The following RTKN2 variants were observed in gnomAD, a reference collection of about 807,000 sequenced individuals.
RTKN2 encodes the protein rhotekin 2.
A neutral mutation model predicts 71.5 loss-of-function variants in RTKN2; 69 were observed. The observed-to-expected ratio is 0.96, with a 90% CI of 0.79 to 1.18. RTKN2 has a LOEUF of 1.18. Ranked by LOEUF, RTKN2 falls within the 50% of genes most tolerant of loss-of-function variation. RTKN2 has a pLI of 0.00. For synonymous variants in RTKN2, 236 were observed against 236.5 expected, an observed-to-expected ratio of 1.00 and a Z score of 0.02; for missense variants, 724 against 719.7, an observed-to-expected ratio of 1.01 and a Z score of -0.07.
chr10:62,261,267 GT>G (rs1842768813), intron 2 of RTKN2, among the ~76,000 whole-genome samples: 1 of 152,136 alleles, frequency 6.6e-6, no homozygotes, highest in East Asian at 1.9e-4. Flanking sequence ...TTAGGTTTTT[GT>G]ATATATAAAA....
intron 10 of RTKN2, among the ~76,000 whole-genome samples, chr10:62,202,583 T>A (rs1841465777): frequency 6.6e-6 from 1 of 152,200 alleles, no homozygotes; most frequent in African/African-American, 2.4e-5. Flanking sequence ...ATTTGTACTT[T>A]AAAAATTACA....
rs183735643 is a variant in RTKN2, at chr10:62,260,134, C to A, written c.257+2491G>T. 3.6e-3 allele frequency among the ~76,000 whole-genome samples: 550 copies of A among 152,268 alleles called. 1 individual carries two copies. The highest frequency in any genetic ancestry group is 0.013 in the African/African-American group (527 of 41,538). Reference sequence around the variant, plus strand: ...CAATATAAAACTGAGCATTTTTCCACCTTAAGGACTAACCAAACTAAGGTA... The same window carrying A: ...CAATATAAAACTGAGCATTTTTCCAACTTAAGGACTAACCAAACTAAGGTA... On this transcript the variant is annotated intron_variant, in intron 2 of 11. Coordinates refer to ENST00000373789, the MANE Select transcript of RTKN2 (RefSeq NM_145307.4).
chr10:62,216,583 T>C (rs1174959180), intron 9 of RTKN2, among the ~76,000 whole-genome samples: 2 of 152,070 alleles, frequency 1.3e-5, no homozygotes, highest in Non-Finnish European at 2.9e-5. Context: ...AACCAGTATA[T>C]ATATACTTGA....
chr10:62,268,681 G>C lies in RTKN2; in HGVS notation c.-71C>G. 1 of 1,475,574 alleles carries C rather than the reference G, an allele frequency of 6.8e-7. No individual in the cohort carries two copies. Among genetic ancestry groups the C allele is most frequent in the Non-Finnish European group, 9.2e-7 (1 of 1,086,620 alleles). The allele number at this position is 1,475,574 out of a possible 1,614,324, so 91.4% of individuals were successfully genotyped here. On this transcript the variant is annotated 5_prime_UTR_variant, in exon 1 of 12. Coordinates refer to ENST00000373789, the MANE Select transcript of RTKN2 (RefSeq NM_145307.4). ...GATTTGAAAAGCCCGCCCCTGGCAG[G>C]AGCCGCAGAGGACGCCAACCGCCCG...
intron 3 of RTKN2, among the ~76,000 whole-genome samples, chr10:62,244,074 C>A (rs1248828875): frequency 6.6e-6 from 1 of 151,994 alleles, no homozygotes; most frequent in African/African-American, 2.4e-5. Context: ...AACAGAAAAC[C>A]CAGGTATTTT....
At chr10:62,247,234 T>C (rs1048000871) in intron 2 of RTKN2, among the ~76,000 whole-genome samples, 39 of 151,982 alleles carry the variant, frequency 2.6e-4, no homozygotes, top group African/African-American at 8.4e-4. Flanking sequence ...ACTGCCAATA[T>C]ATTCATTATA....
At chr10:62,190,273 T>C (rs1841199967), downstream of RTKN2, among the ~76,000 whole-genome samples, 1 of 152,174 alleles carries the variant, frequency 6.6e-6, no homozygotes, top group Admixed American at 6.6e-5. Flanking sequence ...TTCACGTTTA[T>C]CAGAGGCTGT....
At position 62,202,014 on chromosome 10, in the gene RTKN2, C is replaced by T. The variant is rs564104833; in HGVS notation, c.1187-2153G>A. ...TTCCCAGTCAAAATAATTTTTTATG[C>T]TAAGCTCCTAATGTAACTCAATATT... On this transcript the variant is annotated intron_variant, in intron 10 of 11. Coordinates refer to ENST00000373789, the MANE Select transcript of RTKN2 (RefSeq NM_145307.4). 7.9e-5 allele frequency among the ~76,000 whole-genome samples: 12 copies of T among 152,204 alleles called. No homozygotes were observed. The South Asian group carries it at 2.3e-3, about 29-fold the overall frequency.
In RTKN2 at chr10:62,262,752, G is replaced by C; in HGVS notation, c.130C>G (p.Leu44Val). 6.2e-7 allele frequency: 1 copy of C among 1,613,628 alleles called. No individual in the cohort carries two copies. Among genetic ancestry groups the C allele is most frequent in the Middle Eastern group, 1.7e-4 (1 of 6,058 alleles). Residue 44 changes from leucine to valine, a missense_variant, in exon 2 of 12, where the codon CTG (leucine) becomes GTG (valine). Leu to Val is a conservative substitution (Grantham distance 32). Transcript: ENST00000373789. ...AAAACTTGATCTTTCTGAGTGCTCAGAGAAAGGAGTTTCCATATTCCTTCT... is the reference window on the plus strand; with the variant it reads ...AAAACTTGATCTTTCTGAGTGCTCACAGAAAGGAGTTTCCATATTCCTTCT... ...MREGIWKLLSLSTQKDQVLHA... is the reference protein window; with the variant it reads ...MREGIWKLLSVSTQKDQVLHA...
chr10:62,210,557 AT>A (rs1841638994), intron 9 of RTKN2, among the ~76,000 whole-genome samples: 2 of 152,162 alleles, frequency 1.3e-5, no homozygotes, highest in Non-Finnish European at 2.9e-5. Context: ...GTAAAGATAA[AT>A]GAGTTATTTG....
chr10:62,205,620 T>C (rs1032445351), intron 9 of RTKN2, among the ~76,000 whole-genome samples: 1 of 152,210 alleles, frequency 6.6e-6, no homozygotes, highest in African/African-American at 2.4e-5. Context: ...AATAATATAA[T>C]CTTTAAAATG....
At chr10:62,212,431 G>T (rs1173501090) in intron 9 of RTKN2, among the ~76,000 whole-genome samples, 1 of 152,086 alleles carries the variant, frequency 6.6e-6, no homozygotes, top group East Asian at 1.9e-4. Flanking sequence ...ACTGGGTATG[G>T]TGGCTCATAC....
chr10:62,218,823 TAAAAATACAA>T (rs34471693), intron 7 of RTKN2, among the ~76,000 whole-genome samples: 114,686 of 151,264 alleles, frequency 0.76, 43,563 homozygotes, highest in East Asian at 0.9. Context: ...CTGTCTCTAC[TAAAAATACAA>T]AAATTAGCTG....
chr10:62,190,210 A>G (rs1841198723), downstream of RTKN2, among the ~76,000 whole-genome samples: 2 of 152,300 alleles, frequency 1.3e-5, no homozygotes. Context: ...ATTGGGGAAA[A>G]AAGAGTTTGG....
intron 3 of RTKN2, among the ~76,000 whole-genome samples, chr10:62,243,837 TATCAAGTCCCAGAAGTCTGTC>T (rs1388504395): frequency 6.6e-6 from 1 of 152,204 alleles, no homozygotes; most frequent in Non-Finnish European, 1.5e-5. Flanking sequence ...GACTTGATGC[TATCAAGTCCCAGAAGTCTGTC>T]TATCATTTTC....
chr10:62,255,454 G>A (rs1174357373), intron 2 of RTKN2, among the ~76,000 whole-genome samples: 3 of 152,218 alleles, frequency 2.0e-5, no homozygotes, highest in African/African-American at 7.2e-5. Flanking sequence ...GATTCTTAGT[G>A]ACTATAAATG....
rs1016915209 is a variant in RTKN2 at position 62,194,872 on chromosome 10, A to G, written c.*3036T>C. ...GGTAAAGATAAGGCATTTATAATAAATGGATTTAGTTTTCCACATATATTC... is the reference window on the plus strand; with the variant it reads ...GGTAAAGATAAGGCATTTATAATAAGTGGATTTAGTTTTCCACATATATTC... On this transcript the variant is annotated 3_prime_UTR_variant, in exon 12 of 12. Transcript: ENST00000373789. 2.0e-6 allele frequency: 2 copies of G among 984,830 alleles called. No homozygotes were observed. The highest frequency in any genetic ancestry group is 2.4e-6 in the Non-Finnish European group (2 of 829,490). The allele number at this position is 984,830 out of a possible 1,614,324, so 61.0% of individuals were successfully genotyped here.
chr10:62,202,779 T>G (rs1841470231), intron 10 of RTKN2, among the ~76,000 whole-genome samples: 1 of 152,244 alleles, frequency 6.6e-6, no homozygotes. Flanking sequence ...AAGCATGAGA[T>G]GATCATCTAA....
chr10:62,191,595 T>C (rs112579699), downstream of RTKN2, among the ~76,000 whole-genome samples: 20 of 152,230 alleles, frequency 1.3e-4, no homozygotes, highest in African/African-American at 4.6e-4. Context: ...GGATTGCTTG[T>C]ATCCAGACAG....
Sources: allele counts gnomAD v4.1 joint callset (sites outside exome capture counted in the v4.1 genomes callset), GRCh38; gene constraint gnomAD v4.1.1; transcripts MANE v1.5; gene names NCBI Gene and HGNC (gene_info 2026-07-23, HGNC 2026-07-21).